Variants in TCF12 observed in about 807,000 individuals in gnomAD.
The protein encoded by TCF12 is transcription factor 12.
Under a neutral mutation model 86.0 loss-of-function variants are expected in TCF12, and 45 were observed. The ratio of observed to expected loss-of-function variants is 0.52; its 90% CI spans 0.41 to 0.67. The LOEUF is 0.67. TCF12 is among the 30% of genes least tolerant of loss of function. The probability of loss-of-function intolerance (pLI) is 0.00; values close to 1 mark genes in which losing one functional copy is unlikely to be tolerated. For missense variants in TCF12, 881 were observed against 859.9 expected (o/e 1.02, Z -0.31); for synonymous variants, 330 against 299.6 (o/e 1.10, Z -1.05).
At chr15:57,067,096 C>T (rs2068943869) in intron 4 of TCF12, among the ~76,000 whole-genome samples, 1 of 152,172 alleles carries the variant, frequency 6.6e-6, no homozygotes, top group Admixed American at 6.5e-5. Context: ...TGGTTCCAGT[C>T]TGTGTGTCTG....
chr15:56,970,893 TAAA>T (rs58694609), intron 3 of TCF12, among the ~76,000 whole-genome samples: 1 of 146,364 alleles, frequency 6.8e-6, no homozygotes, highest in Non-Finnish European at 1.5e-5. Context: ...CTACAAAAAA[TAAA>T]AAAAAAAATT....
At chr15:57,285,497 G>T (rs1201643323) in intron 20 of TCF12, among the ~76,000 whole-genome samples, 1 of 152,130 alleles carries the variant, frequency 6.6e-6, no homozygotes, top group Non-Finnish European at 1.5e-5. Context: ...CAGGAACTGG[G>T]ACCAATATGA....
At chr15:57,114,062 G>C (rs1448090112) in intron 5 of TCF12, among the ~76,000 whole-genome samples, 2 of 152,168 alleles carry the variant, frequency 1.3e-5, no homozygotes, top group Non-Finnish European at 2.9e-5. Flanking sequence ...ACTTTAGTGA[G>C]TGGCTTCAAT....
At chr15:57,232,690 G>T in intron 10 of TCF12, 22 bp from the exon 11 acceptor site, 1 of 1,603,536 alleles carries the variant, frequency 6.2e-7, no homozygotes, top group Admixed American at 1.7e-5. Flanking sequence ...ATATTTAATA[G>T]ATCATATCTC....
intron 5 of TCF12, among the ~76,000 whole-genome samples, chr15:57,120,977 TAAAAA>T (rs1244666142): frequency 6.6e-6 from 1 of 151,006 alleles, no homozygotes; most frequent in African/African-American, 2.5e-5. Flanking sequence ...TGAGACTGTC[TAAAAA>T]AAAGAAAAGA....
intron 8 of TCF12, among the ~76,000 whole-genome samples, chr15:57,230,218 A>G (rs2059071816): frequency 6.6e-6 from 1 of 151,908 alleles, no homozygotes; most frequent in South Asian, 2.1e-4. Flanking sequence ...TAAAATTTTT[A>G]TTTTGTTGAA....
At chr15:56,981,440 T>A (rs2062886241) in intron 3 of TCF12, among the ~76,000 whole-genome samples, 1 of 152,168 alleles carries the variant, frequency 6.6e-6, no homozygotes, top group African/African-American at 2.4e-5. Flanking sequence ...GCAAGCCCTT[T>A]TTATAGTGGT....
intron 19 of TCF12, among the ~76,000 whole-genome samples, chr15:57,281,421 C>T (rs1203046447): frequency 5.9e-5 from 9 of 152,194 alleles, no homozygotes; most frequent in Admixed American, 5.9e-4. Context: ...ATCCTTCTCC[C>T]TCGAATTGGC....
At chr15:56,999,900 A>G (rs1396958796) in intron 3 of TCF12, among the ~76,000 whole-genome samples, 1 of 152,066 alleles carries the variant, frequency 6.6e-6, no homozygotes, top group Admixed American at 6.6e-5. Flanking sequence ...TTAATTCATA[A>G]TTAATAAAAA....
intron 13 of TCF12, among the ~76,000 whole-genome samples, chr15:57,249,287 A>G (rs2059999239): frequency 6.6e-6 from 1 of 152,142 alleles, no homozygotes; most frequent in Non-Finnish European, 1.5e-5. Context: ...ATTAGCCCAC[A>G]AGCTTTTGTT....
chr15:57,261,990 G>A, intron 16 of TCF12, 104 bp from the exon 17 acceptor site: 1 of 659,502 alleles, frequency 1.5e-6, no homozygotes, highest in East Asian at 3.0e-5. Context: ...GAAATCAGAT[G>A]AGTGACACTG....
intron 6 of TCF12, among the ~76,000 whole-genome samples, chr15:57,180,418 C>T (rs1567577794): frequency 6.6e-6 from 1 of 152,124 alleles, no homozygotes; most frequent in Non-Finnish European, 1.5e-5. Context: ...AATTTTGTTT[C>T]TTGATCCCTC....
chr15:57,081,931 G>A (rs1166699582), intron 4 of TCF12, among the ~76,000 whole-genome samples: 2 of 152,054 alleles, frequency 1.3e-5, no homozygotes, highest in South Asian at 2.1e-4. Flanking sequence ...GTGAAGATTC[G>A]GTAATATATT....
chr15:57,199,784 T>C lies in TCF12; in HGVS notation c.579+1959T>C, dbSNP rs958739139. The stretch of plus-strand genomic sequence containing the variant: ...ATTTTACTAGCTATATTAGTATATA[T>C]TAAATGTTATTAAGGATGTATAAAT... On this transcript the variant is annotated intron_variant, in intron 8 of 20. Coordinates refer to ENST00000333725, the MANE Select transcript of TCF12 (RefSeq NM_207037.2). Among the ~76,000 whole-genome samples, 4 of 152,214 alleles carry C rather than the reference T, an allele frequency of 2.6e-5. No individual in the cohort carries two copies. The East Asian group carries it at 7.7e-4, about 29-fold the overall frequency.
intron 3 of TCF12, among the ~76,000 whole-genome samples, chr15:57,018,556 G>A (rs907817664): frequency 2.0e-5 from 3 of 151,834 alleles, no homozygotes; most frequent in Non-Finnish European, 2.9e-5. Flanking sequence ...TGTGCTTCTC[G>A]GGGTCAAGCC....
At chr15:56,982,949 T>C (rs1251865597) in intron 3 of TCF12, among the ~76,000 whole-genome samples, 1 of 152,206 alleles carries the variant, frequency 6.6e-6, no homozygotes, top group African/African-American at 2.4e-5. Flanking sequence ...GATTAAAATA[T>C]GTAACAATTC....
At chr15:57,238,110 G>A (rs1333340459) in intron 12 of TCF12, among the ~76,000 whole-genome samples, 2 of 152,118 alleles carry the variant, frequency 1.3e-5, no homozygotes, top group African/African-American at 2.4e-5. Flanking sequence ...GGCTTTTATT[G>A]TACAAATGGA....
chr15:57,096,617 A>G (rs181919041), intron 5 of TCF12, among the ~76,000 whole-genome samples: 38 of 152,200 alleles, frequency 2.5e-4, no homozygotes, highest in African/African-American at 8.7e-4. Context: ...ACCTAACACA[A>G]TGTAATTGCT....
chr15:57,144,332 A>G (rs994905373), intron 5 of TCF12, among the ~76,000 whole-genome samples: 1 of 152,252 alleles, frequency 6.6e-6, no homozygotes, highest in Admixed American at 6.5e-5. Flanking sequence ...AGTGACAGAA[A>G]GAGAAATAGA....
Sources: allele counts gnomAD v4.1 joint callset (sites outside exome capture counted in the v4.1 genomes callset), GRCh38; gene constraint gnomAD v4.1.1; transcripts MANE v1.5; gene names NCBI Gene and HGNC (gene_info 2026-07-23, HGNC 2026-07-21).